Variants in MYO16 observed in about 807,000 individuals in gnomAD.
MYO16 encodes the protein myosin XVI, also known as unconventional myosin-XVI.
In MYO16, 94 loss-of-function variants were observed where a neutral mutation model predicts 205.3. That is an observed-to-expected ratio of 0.46 (90% CI 0.39 to 0.54). MYO16 has a LOEUF of 0.54. MYO16 is among the 20% of genes least tolerant of loss of function. MYO16 has a pLI of 0.00. For synonymous variants in MYO16, 988 were observed against 954.0 expected, an observed-to-expected ratio of 1.04 and a Z score of -0.66; for missense variants, 2,315 against 2,387.5, an observed-to-expected ratio of 0.97 and a Z score of 0.63.
At chr13:108,565,843 G>A in the MYO16 span, among the ~76,000 whole-genome samples, 1 of 152,058 alleles carries the variant, frequency 6.6e-6, no homozygotes, top group African/African-American at 2.4e-5. Context: ...ATTACGTTGA[G>A]GTTATGTTCC....
the MYO16 span, among the ~76,000 whole-genome samples, chr13:108,498,567 G>T: frequency 1.3e-5 from 2 of 152,246 alleles, no homozygotes; most frequent in African/African-American, 4.8e-5. Flanking sequence ...ATAACTCATT[G>T]TTCTTTGAGA....
At chr13:108,828,045 T>C (rs566216002) in intron 9 of MYO16, among the ~76,000 whole-genome samples, 2 of 152,296 alleles carry the variant, frequency 1.3e-5, no homozygotes, top group African/African-American at 4.8e-5. Context: ...TGATATTTTT[T>C]ACTACAGTTA....
At chr13:108,817,217 A>G (rs766841448) in intron 7 of MYO16, among the ~76,000 whole-genome samples, 14 of 152,214 alleles carry the variant, frequency 9.2e-5, no homozygotes, top group African/African-American at 2.7e-4. Flanking sequence ...ATGAAAAACT[A>G]CATTGACTGA....
At chr13:108,927,403 G>C (rs902984597) in intron 16 of MYO16, among the ~76,000 whole-genome samples, 1 of 152,014 alleles carries the variant, frequency 6.6e-6, no homozygotes. Context: ...CTGGTATAAT[G>C]GGCCTGGGGC....
At chr13:109,068,801 G>A (rs1887837260) in intron 27 of MYO16, among the ~76,000 whole-genome samples, 1 of 152,134 alleles carries the variant, frequency 6.6e-6, no homozygotes, top group African/African-American at 2.4e-5. Context: ...ATGTTGGTCA[G>A]GCTGGTCTCA....
the MYO16 span, among the ~76,000 whole-genome samples, chr13:108,552,411 C>T: frequency 6.6e-6 from 1 of 151,844 alleles, no homozygotes; most frequent in Non-Finnish European, 1.5e-5. Flanking sequence ...TTATTTATTC[C>T]GTCTCTCCTT....
At chr13:108,899,374 T>TATC (rs1308743109) in intron 15 of MYO16, among the ~76,000 whole-genome samples, 1 of 151,094 alleles carries the variant, frequency 6.6e-6, no homozygotes, top group African/African-American at 2.4e-5. Flanking sequence ...AGTAAGCAGA[T>TATC]ATCACACCAT....
At chr13:108,591,100 G>T in the MYO16 span, among the ~76,000 whole-genome samples, 1 of 152,058 alleles carries the variant, frequency 6.6e-6, no homozygotes, top group Non-Finnish European at 1.5e-5. Context: ...AGGCCCTTGT[G>T]GTCCCCAGCC....
chr13:108,928,968 CTAAA>C (rs1566417216), intron 16 of MYO16, among the ~76,000 whole-genome samples: 1 of 151,980 alleles, frequency 6.6e-6, no homozygotes, highest in Non-Finnish European at 1.5e-5. Flanking sequence ...AAATTAGAAA[CTAAA>C]TACAGAAGTA....
intron 9 of MYO16, among the ~76,000 whole-genome samples, chr13:108,834,206 G>A (rs1057012103): frequency 1.3e-5 from 2 of 152,134 alleles, no homozygotes; most frequent in African/African-American, 4.8e-5. Context: ...GTGCTGGGGT[G>A]AGCTAGGGGG....
chr13:108,762,644 A>T (rs1885647511), intron 4 of MYO16, among the ~76,000 whole-genome samples: 1 of 152,346 alleles, frequency 6.6e-6, no homozygotes, highest in East Asian at 1.9e-4. Context: ...TACAGTTCTT[A>T]TACCACATTT....
chr13:109,112,333 G>A (rs1271862830), intron 28 of MYO16, among the ~76,000 whole-genome samples: 5 of 152,124 alleles, frequency 3.3e-5, no homozygotes, highest in African/African-American at 1.2e-4. Context: ...ATTTTAGTCG[G>A]TAATAATCCT....
chr13:108,594,995 T>G (rs1227009075), upstream of MYO16, among the ~76,000 whole-genome samples: 1 of 152,200 alleles, frequency 6.6e-6, no homozygotes, highest in Non-Finnish European at 1.5e-5. Context: ...TAAGACACAG[T>G]GAATTCTGGC....
intron 23 of MYO16, among the ~76,000 whole-genome samples, chr13:109,021,093 A>G (rs1886008399): frequency 6.6e-6 from 1 of 152,126 alleles, no homozygotes; most frequent in Admixed American, 6.6e-5. Flanking sequence ...CTAATTATAA[A>G]AGAGAAGGGG....
intron 16 of MYO16, among the ~76,000 whole-genome samples, chr13:108,919,482 C>T (rs1361912787): frequency 7.8e-5 from 10 of 128,040 alleles, no homozygotes; most frequent in African/African-American, 1.1e-4. Context: ...TTGGCGTGAG[C>T]GATTGTCGTT....
At chr13:108,567,761 ACATT>A in the MYO16 span, among the ~76,000 whole-genome samples, 1 of 152,292 alleles carries the variant, frequency 6.6e-6, no homozygotes, top group East Asian at 1.9e-4. Flanking sequence ...AATTTTTAGT[ACATT>A]CAGAGTTGTG....
intron 4 of MYO16, among the ~76,000 whole-genome samples, chr13:108,735,310 G>T (rs1884657266): frequency 7.3e-6 from 1 of 136,604 alleles, no homozygotes; most frequent in East Asian, 2.2e-4. Context: ...CCCTTCCTGT[G>T]TCCATGTGTT....
chr13:108,495,893 G>T, the MYO16 span, among the ~76,000 whole-genome samples: 1 of 151,990 alleles, frequency 6.6e-6, no homozygotes, highest in Non-Finnish European at 1.5e-5. Flanking sequence ...GCGTCGCCTG[G>T]CGCCCGGCTC....
rs1171314514 is a variant in MYO16 at position 108,727,425 on chromosome 13, T to C, written c.364-15T>C. On this transcript the variant is annotated splice_polypyrimidine_tract_variant and intron_variant, in intron 3 of 34. Coordinates refer to ENST00000457511, the MANE Select transcript of MYO16 (RefSeq NM_001198950.3). Reference sequence around the variant, plus strand: ...TTTGTAATAATTTGATATTTCCTTGTATTCTTTCTTTTAGTGTGCTCGGTA... The same window carrying C: ...TTTGTAATAATTTGATATTTCCTTGCATTCTTTCTTTTAGTGTGCTCGGTA... The C allele has an allele frequency of 6.2e-7, 1 of 1,609,820 alleles. No individual in the cohort carries two copies. The highest frequency in any genetic ancestry group is 8.5e-7 in the Non-Finnish European group (1 of 1,177,524).
Sources: allele counts gnomAD v4.1 joint callset (sites outside exome capture counted in the v4.1 genomes callset), GRCh38; gene constraint gnomAD v4.1.1; transcripts MANE v1.5; gene names NCBI Gene and HGNC (gene_info 2026-07-23, HGNC 2026-07-21).